The following MNAT1 variants were observed in gnomAD, a reference collection of about 807,000 sequenced individuals.
MNAT1 encodes MNAT1 component of CDK activating kinase.
Under a neutral mutation model 42.0 loss-of-function variants are expected in MNAT1, and 43 were observed. The observed-to-expected ratio is 1.02, with a 90% CI of 0.80 to 1.32. The LOEUF (loss-of-function observed/expected upper bound fraction) is 1.32, where lower values mean the gene tolerates loss of function less well. Among genes scored for constraint, MNAT1 ranks in the 40% most tolerant of loss-of-function variants. The pLI, the probability that MNAT1 is intolerant of heterozygous loss-of-function variation, is 0.00. For synonymous variants in MNAT1, 118 were observed against 120.0 expected (o/e 0.98, Z 0.11); for missense variants, 306 against 350.4 (o/e 0.87, Z 1.01).
intron 7 of MNAT1, among the ~76,000 whole-genome samples, chr14:60,929,167 AAAAATATATATAT>A (rs1456938350): frequency 1.1e-5 from 1 of 91,010 alleles, no homozygotes; most frequent in East Asian, 3.0e-4. Flanking sequence ...AAAAAAAAAA[AAAAATATATATAT>A]ATATATATAT....
At chr14:60,834,375 T>C (rs1178478632) in intron 6 of MNAT1, among the ~76,000 whole-genome samples, 1 of 152,220 alleles carries the variant, frequency 6.6e-6, no homozygotes, top group Non-Finnish European at 1.5e-5. Context: ...TTCTCATTGG[T>C]TCAAAGAACT....
At chr14:60,906,439 G>A (rs2035201494) in intron 7 of MNAT1, among the ~76,000 whole-genome samples, 2 of 152,200 alleles carry the variant, frequency 1.3e-5, no homozygotes. Context: ...CAGCGTGAAT[G>A]CAAGAAAATT....
chr14:60,889,907 T>C (rs544589914), intron 7 of MNAT1, among the ~76,000 whole-genome samples: 43 of 152,242 alleles, frequency 2.8e-4, no homozygotes, highest in African/African-American at 9.4e-4. Context: ...TGAGATACCA[T>C]TTCACACCAA....
At chr14:60,762,838 A>C (rs1016274342) in intron 1 of MNAT1, among the ~76,000 whole-genome samples, 4 of 151,842 alleles carry the variant, frequency 2.6e-5, no homozygotes, top group African/African-American at 7.3e-5. Context: ...TGTGACTACC[A>C]CTTGGCCGGA....
chr14:60,741,687 T>C (rs1294410556), intron 1 of MNAT1, among the ~76,000 whole-genome samples: 1 of 125,164 alleles, frequency 8.0e-6, no homozygotes, highest in Non-Finnish European at 1.8e-5. Context: ...TTTTAATTTT[T>C]AGTAGAGATG....
chr14:60,812,033 A>G lies in MNAT1; in HGVS notation c.467A>G (p.Gln156Arg). The G allele has an allele frequency of 6.2e-7, 1 of 1,604,754 alleles. No homozygotes were observed. The highest frequency in any genetic ancestry group is 1.1e-5 in the South Asian group (1 of 87,762). Residue 156 changes from glutamine (Q) to arginine (R), a missense_variant, in exon 5 of 8, where the codon CAG becomes CGG. Coordinates refer to ENST00000261245, the MANE Select transcript of MNAT1 (RefSeq NM_002431.4). ...GAAGAAGCTTTAGAAGTGGAACGAC[A>G]GGAAAATGAACAAAGAAGATTATTT... is the stretch of plus-strand genomic sequence containing the variant. ...ELEEALEVER[Q>R]ENEQRRLFIQ...
At chr14:60,962,559 A>C (rs997332841) in intron 7 of MNAT1, among the ~76,000 whole-genome samples, 10 of 152,186 alleles carry the variant, frequency 6.6e-5, no homozygotes, top group Non-Finnish European at 1.2e-4. Context: ...TCATTATGTA[A>C]TTATATTAAC....
intron 1 of MNAT1, among the ~76,000 whole-genome samples, chr14:60,761,562 A>C (rs112140255): frequency 1.3e-5 from 2 of 152,222 alleles, no homozygotes; most frequent in East Asian, 3.8e-4. Flanking sequence ...ACAGCACTGA[A>C]AAATTTATGT....
rs1227304745 is a variant in MNAT1 at position 60,804,832 on chromosome 14, A to G, written c.317-3493A>G. 2.6e-5 allele frequency among the ~76,000 whole-genome samples: 4 copies of G among 152,220 alleles called. No individual in the cohort carries two copies. In the East Asian group the frequency reaches 7.7e-4, roughly 29 times the overall value. On this transcript the variant is annotated intron_variant, in intron 3 of 7. Coordinates refer to ENST00000261245, the MANE Select transcript of MNAT1 (RefSeq NM_002431.4). ...AAGCATAAAAGAAATTGCTTATATA[A>G]AAACAGATTAATTTCACTTAGGATT...
intron 7 of MNAT1, among the ~76,000 whole-genome samples, chr14:60,899,843 T>C (rs2035035830): frequency 6.6e-6 from 1 of 152,224 alleles, no homozygotes; most frequent in South Asian, 2.1e-4. Flanking sequence ...CAGCATGTAC[T>C]CACCTCATGT....
chr14:60,888,484 C>A (rs1174798544), intron 7 of MNAT1, among the ~76,000 whole-genome samples: 2 of 152,014 alleles, frequency 1.3e-5, no homozygotes, highest in African/African-American at 4.8e-5. Context: ...AACCCATAGC[C>A]AATATCATAC....
chr14:60,939,257 T>G (rs966757237), intron 7 of MNAT1, among the ~76,000 whole-genome samples: 2 of 152,228 alleles, frequency 1.3e-5, no homozygotes, highest in Non-Finnish European at 2.9e-5. Context: ...ACTTAGTTAT[T>G]TCTTGCCTTC....
intron 6 of MNAT1, among the ~76,000 whole-genome samples, chr14:60,840,097 C>T (rs2033504941): frequency 6.6e-6 from 1 of 152,218 alleles, no homozygotes; most frequent in African/African-American, 2.4e-5. Flanking sequence ...GAGGTTTTTC[C>T]AAGTTTTAAA....
chr14:60,816,862 A>G lies in MNAT1; in HGVS notation c.562-1860A>G, dbSNP rs553504197. Among the ~76,000 whole-genome samples the G allele has an allele frequency of 3.3e-5, 5 of 152,168 alleles. No homozygotes were observed. In the East Asian group the frequency reaches 5.8e-4, roughly 18 times the overall value. On this transcript the variant is annotated intron_variant, in intron 5 of 7. Transcript: ENST00000261245. ...AACTAAATTCTGTGCTTCAATATCA[A>G]AAGTGTTTTAGATCCTTAGAATGTT... is the stretch of plus-strand genomic sequence containing the variant.
At chr14:60,853,307 A>G (rs952977034) in intron 6 of MNAT1, among the ~76,000 whole-genome samples, 17 of 152,092 alleles carry the variant, frequency 1.1e-4, no homozygotes, top group African/African-American at 4.1e-4. Context: ...ATTTGTAGCA[A>G]TTGTGAATGG....
At chr14:60,910,850 G>C (rs565771013) in intron 7 of MNAT1, among the ~76,000 whole-genome samples, 1 of 152,290 alleles carries the variant, frequency 6.6e-6, no homozygotes, top group Admixed American at 6.5e-5. Context: ...CAATGCATTA[G>C]GGAGGATTCC....
chr14:60,821,333 T>G (rs2032884823), intron 6 of MNAT1, among the ~76,000 whole-genome samples: 1 of 152,166 alleles, frequency 6.6e-6, no homozygotes, highest in Non-Finnish European at 1.5e-5. Context: ...AGAAAGTGTC[T>G]TATGGGTACA....
At chr14:60,789,475 C>G (rs1187064463) in intron 1 of MNAT1, among the ~76,000 whole-genome samples, 1 of 152,076 alleles carries the variant, frequency 6.6e-6, no homozygotes, top group Non-Finnish European at 1.5e-5. Context: ...AGCGTTGCCA[C>G]AAATCTTGAA....
At chr14:60,838,814 G>A (rs1035710327) in intron 6 of MNAT1, among the ~76,000 whole-genome samples, 3 of 152,174 alleles carry the variant, frequency 2.0e-5, no homozygotes, top group Non-Finnish European at 2.9e-5. Context: ...CCTGCTGCCT[G>A]GCCTTTTCCT....
Sources: gnomAD v4.1 joint callset for allele counts (sites outside exome capture counted in the v4.1 genomes callset) on GRCh38, gnomAD v4.1.1 for gene constraint, MANE v1.5 for transcripts, NCBI Gene and HGNC (gene_info 2026-07-23, HGNC 2026-07-21) for gene names.